Variants in PPP2R2B observed in about 807,000 individuals in gnomAD.
The protein encoded by PPP2R2B is protein phosphatase 2 regulatory subunit Bbeta, also known as serine/threonine-protein phosphatase 2A 55 kDa regulatory subunit B beta isoform.
In PPP2R2B, 5 loss-of-function variants were observed where a neutral mutation model predicts 46.0. The observed-to-expected ratio is 0.11, with a 90% CI of 0.06 to 0.23. The LOEUF (loss-of-function observed/expected upper bound fraction) is 0.23. Ranked by LOEUF, PPP2R2B falls within the 10% of genes least tolerant of loss-of-function variation. The pLI is 1.00. For missense variants in PPP2R2B, 367 were observed against 575.0 expected (o/e 0.64, Z 3.70); for synonymous variants, 215 against 206.7 (o/e 1.04, Z -0.34).
At chr5:146,907,575 C>T (rs1283789839) in intron 1 of PPP2R2B, among the ~76,000 whole-genome samples, 3 of 152,232 alleles carry the variant, frequency 2.0e-5, no homozygotes, top group Admixed American at 6.5e-5. Flanking sequence ...CCTGAACATC[C>T]CCCCTGAGGC....
chr5:146,933,047 A>G (rs1015393176), intron 1 of PPP2R2B, among the ~76,000 whole-genome samples: 1 of 152,218 alleles, frequency 6.6e-6, no homozygotes, highest in Non-Finnish European at 1.5e-5. Flanking sequence ...ATTATATCAT[A>G]TGCTGTTTTA....
At chr5:146,863,325 T>C (rs1761117582) in intron 2 of PPP2R2B, among the ~76,000 whole-genome samples, 1 of 152,180 alleles carries the variant, frequency 6.6e-6, no homozygotes, top group African/African-American at 2.4e-5. Flanking sequence ...TGTCCTAATC[T>C]CTTCTGATAG....
chr5:146,983,722 T>G (rs1281700128), intron 1 of PPP2R2B, among the ~76,000 whole-genome samples: 10 of 152,156 alleles, frequency 6.6e-5, no homozygotes, highest in Non-Finnish European at 1.5e-5. Context: ...TTAAATATAA[T>G]TTAGAGAACA....
At chr5:146,726,446 C>T (rs761828407) in intron 2 of PPP2R2B, among the ~76,000 whole-genome samples, 2 of 152,162 alleles carry the variant, frequency 1.3e-5, no homozygotes, top group Non-Finnish European at 2.9e-5. Flanking sequence ...TAAACACACA[C>T]ACATACCCTG....
intron 2 of PPP2R2B, among the ~76,000 whole-genome samples, chr5:147,069,108 G>A (rs1310627425): frequency 1.3e-5 from 2 of 152,156 alleles, no homozygotes; most frequent in Non-Finnish European, 2.9e-5. Context: ...AAATTTAAGT[G>A]ATCTCAACAA....
intron 1 of PPP2R2B, among the ~76,000 whole-genome samples, chr5:146,979,673 A>G (rs1257846015): frequency 1.3e-5 from 2 of 152,084 alleles, no homozygotes; most frequent in South Asian, 2.1e-4. Context: ...ATAGTACTGA[A>G]CCATATGTAC....
intron 5 of PPP2R2B, among the ~76,000 whole-genome samples, chr5:146,664,517 GTT>G (rs577235555): frequency 1.4e-5 from 2 of 144,990 alleles, no homozygotes; most frequent in Admixed American, 6.9e-5. Flanking sequence ...TTTAGTTCTA[GTT>G]TTTTTTTTTT....
intron 2 of PPP2R2B, among the ~76,000 whole-genome samples, chr5:146,780,263 C>G (rs1380369271): frequency 2.0e-5 from 3 of 152,058 alleles, no homozygotes; most frequent in African/African-American, 7.2e-5. Context: ...CTGCATGAGT[C>G]AATGAATTGA....
At chr5:146,894,474 C>T (rs550544623) in intron 1 of PPP2R2B, among the ~76,000 whole-genome samples, 1 of 152,294 alleles carries the variant, frequency 6.6e-6, no homozygotes, top group Non-Finnish European at 1.5e-5. Context: ...AGGTCTTGCT[C>T]TCTCACCTAG....
intron 7 of PPP2R2B, among the ~76,000 whole-genome samples, chr5:146,603,745 T>A (rs965041105): frequency 6.6e-6 from 1 of 152,254 alleles, no homozygotes; most frequent in South Asian, 2.1e-4. Flanking sequence ...ACATGTTTTA[T>A]TTCATTTAGT....
chr5:146,946,241 A>C (rs1343606730), intron 1 of PPP2R2B, among the ~76,000 whole-genome samples: 2 of 152,128 alleles, frequency 1.3e-5, no homozygotes, highest in Non-Finnish European at 2.9e-5. Flanking sequence ...AAGCAGTACC[A>C]GATGAAGAGA....
At position 147,045,775 on chromosome 5, in the gene PPP2R2B, C is replaced by T. The variant is rs73318507; in HGVS notation, c.79+9890G>A. ...CTTGATAGCTTCATCTCCACTGTAC[C>T]CCATCTTGGTCTCTGTGCTCCAGCT... On this transcript the variant is annotated intron_variant, in intron 1 of 8. Transcript: ENST00000336640. Among the ~76,000 whole-genome samples, 1,491 of 152,116 alleles carry T rather than the reference C, an allele frequency of 9.8e-3. 17 individuals carry two copies. The highest frequency in any genetic ancestry group is 0.034 in the African/African-American group (1,394 of 41,498).
intron 2 of PPP2R2B, among the ~76,000 whole-genome samples, chr5:146,807,730 G>GGATATGC (rs1757261184): frequency 7.0e-6 from 1 of 142,878 alleles, no homozygotes; most frequent in Non-Finnish European, 1.5e-5. Context: ...TAACCACCAG[G>GGATATGC]GATATGCCCT....
chr5:146,887,047 C>T (rs1321882981), intron 1 of PPP2R2B, among the ~76,000 whole-genome samples: 4 of 151,494 alleles, frequency 2.6e-5, no homozygotes, highest in Non-Finnish European at 5.9e-5. Flanking sequence ...TTTCTAATTT[C>T]CACATTAAAA....
At chr5:146,830,090 CTTT>C (rs920683541) in intron 2 of PPP2R2B, among the ~76,000 whole-genome samples, 3 of 152,050 alleles carry the variant, frequency 2.0e-5, no homozygotes, top group African/African-American at 7.2e-5. Flanking sequence ...ATAGATGTTT[CTTT>C]TTTATTCTTA....
chr5:146,951,566 T>C (rs1454793097), intron 1 of PPP2R2B, among the ~76,000 whole-genome samples: 1 of 152,072 alleles, frequency 6.6e-6, no homozygotes, highest in Non-Finnish European at 1.5e-5. Flanking sequence ...TGAGTTCATG[T>C]GTTCTCATTG....
At chr5:146,652,282 T>C (rs1776023247) in intron 5 of PPP2R2B, among the ~76,000 whole-genome samples, 1 of 152,194 alleles carries the variant, frequency 6.6e-6, no homozygotes, top group South Asian at 2.1e-4. Flanking sequence ...GTGCTCTCAC[T>C]ATCGCAAAGG....
intron 1 of PPP2R2B, among the ~76,000 whole-genome samples, chr5:146,941,548 A>T (rs558422985): frequency 6.6e-6 from 1 of 152,256 alleles, no homozygotes; most frequent in Non-Finnish European, 1.5e-5. Flanking sequence ...CATTTATGTC[A>T]TCTGTAGAAA....
At chr5:146,641,764 T>C (rs985371913) in intron 6 of PPP2R2B, among the ~76,000 whole-genome samples, 6 of 152,154 alleles carry the variant, frequency 3.9e-5, no homozygotes, top group Non-Finnish European at 8.8e-5. Context: ...TTGCCCTTCA[T>C]GTTGGGAGGG....
Sources: allele counts gnomAD v4.1 joint callset (sites outside exome capture counted in the v4.1 genomes callset), GRCh38; gene constraint gnomAD v4.1.1; transcripts MANE v1.5; gene names NCBI Gene and HGNC (gene_info 2026-07-23, HGNC 2026-07-21).